Variants in MBNL1 observed in about 807,000 individuals in gnomAD.
MBNL1 encodes muscleblind like splicing regulator 1, also known as muscleblind-like protein 1.
Under a neutral mutation model 42.2 loss-of-function variants are expected in MBNL1, and 8 were observed. The observed-to-expected ratio is 0.19, with a 90% confidence interval of 0.11 to 0.34. The LOEUF is 0.34. Ranked by LOEUF, MBNL1 falls within the 10% of genes least tolerant of loss-of-function variation. MBNL1 has a pLI of 1.00. For missense variants in MBNL1, 309 were observed against 495.3 expected (o/e 0.62, Z 3.57); for synonymous variants, 169 against 173.9 (o/e 0.97, Z 0.22).
chr3:152,426,691 T>C (rs2098937024), intron 3 of MBNL1, among the ~76,000 whole-genome samples: 2 of 152,228 alleles, frequency 1.3e-5, no homozygotes, highest in Non-Finnish European at 2.9e-5. Context: ...GATCCCAAAG[T>C]TAACCTTGGC....
chr3:152,280,337 A>G (rs1209356176), intron 1 of MBNL1, among the ~76,000 whole-genome samples: 3 of 152,192 alleles, frequency 2.0e-5, no homozygotes, highest in African/African-American at 7.2e-5. Flanking sequence ...GATACTTTGT[A>G]TATATTGGAG....
At chr3:152,331,876 G>C (rs1169597806) in intron 2 of MBNL1, among the ~76,000 whole-genome samples, 1 of 151,976 alleles carries the variant, frequency 6.6e-6, no homozygotes, top group Non-Finnish European at 1.5e-5. Flanking sequence ...ATTTTTAGTA[G>C]AGACAGGGTT....
At chr3:152,365,659 C>G (rs1490903559) in intron 2 of MBNL1, among the ~76,000 whole-genome samples, 1 of 151,942 alleles carries the variant, frequency 6.6e-6, no homozygotes, top group Non-Finnish European at 1.5e-5. Context: ...TACCTGGTGT[C>G]TTAAGAACAG....
At chr3:152,425,359 C>T (rs1008765225) in intron 3 of MBNL1, among the ~76,000 whole-genome samples, 8 of 151,984 alleles carry the variant, frequency 5.3e-5, no homozygotes, top group Non-Finnish European at 8.8e-5. Flanking sequence ...TGTGGTGGCT[C>T]ACGCCTGTAA....
intron 2 of MBNL1, among the ~76,000 whole-genome samples, chr3:152,346,032 T>C (rs768693423): frequency 6.6e-6 from 1 of 152,100 alleles, no homozygotes; most frequent in Non-Finnish European, 1.5e-5. Context: ...TTTTATGAGG[T>C]AGGACTGATG....
chr3:152,313,576 A>T (rs544917040), intron 2 of MBNL1, among the ~76,000 whole-genome samples: 4 of 152,198 alleles, frequency 2.6e-5, no homozygotes, highest in Non-Finnish European at 5.9e-5. Flanking sequence ...TACTCCATAG[A>T]TACTAACGGT....
intron 2 of MBNL1, among the ~76,000 whole-genome samples, chr3:152,319,038 A>G (rs1486955850): frequency 6.6e-6 from 1 of 152,176 alleles, no homozygotes; most frequent in Non-Finnish European, 1.5e-5. Flanking sequence ...TTGTGGTTCT[A>G]CTTACATTTT....
At chr3:152,435,325 A>C (rs778273701) in intron 4 of MBNL1, among the ~76,000 whole-genome samples, 1 of 151,696 alleles carries the variant, frequency 6.6e-6, no homozygotes, top group Non-Finnish European at 1.5e-5. Flanking sequence ...GTTATTGTCA[A>C]CTTTGTTGGA....
chr3:152,262,658 G>A (rs756219226), intron 2 of MBNL1: 20 of 152,102 alleles, frequency 1.3e-4, no homozygotes, highest in African/African-American at 3.9e-4. Flanking sequence ...GTGTTACTAC[G>A]TAGAAATGTT....
chr3:152,405,682 C>A (rs1351208291), intron 2 of MBNL1, among the ~76,000 whole-genome samples: 1 of 151,952 alleles, frequency 6.6e-6, no homozygotes, highest in Non-Finnish European at 1.5e-5. Context: ...TGTTTTATCC[C>A]CAGGAAAGCT....
chr3:152,269,124 C>T (rs1043678314), intron 1 of MBNL1, 32 bp downstream of exon 1: 1 of 447,478 alleles, frequency 2.2e-6, no homozygotes, highest in East Asian at 7.0e-5. Flanking sequence ...TTCCCCGCGC[C>T]GCTTCATTGT....
At chr3:152,338,185 T>TC (rs925090701) in intron 2 of MBNL1, 26 of 985,316 alleles carry the variant, frequency 2.6e-5, no homozygotes, top group Non-Finnish European at 2.9e-5. Context: ...ATGGCCTATC[T>TC]CCATGTATTT....
chr3:152,416,441 A>C (rs941490220), intron 3 of MBNL1, among the ~76,000 whole-genome samples: 2 of 152,218 alleles, frequency 1.3e-5, no homozygotes, highest in African/African-American at 4.8e-5. Flanking sequence ...TGGTTAAAAA[A>C]ATTAGCTATA....
intron 2 of MBNL1, among the ~76,000 whole-genome samples, chr3:152,408,345 A>T (rs2098484046): frequency 6.6e-6 from 1 of 152,146 alleles, no homozygotes; most frequent in Non-Finnish European, 1.5e-5. Flanking sequence ...TCAAAGAAAA[A>T]AATGAATGTA....
intron 2 of MBNL1, among the ~76,000 whole-genome samples, chr3:152,307,954 G>T (rs1332707243): frequency 6.6e-6 from 1 of 152,156 alleles, no homozygotes; most frequent in Non-Finnish European, 1.5e-5. Flanking sequence ...CAAAGATGTT[G>T]TATCTGTTGT....
chr3:152,371,901 A>G (rs956218283), intron 2 of MBNL1, among the ~76,000 whole-genome samples: 7 of 152,062 alleles, frequency 4.6e-5, no homozygotes, highest in East Asian at 1.9e-4. Flanking sequence ...GTGTTTTCCA[A>G]CTTGGTTCCA....
intron 2 of MBNL1, among the ~76,000 whole-genome samples, chr3:152,244,825 T>C (rs1168236181): frequency 6.6e-6 from 1 of 152,160 alleles, no homozygotes; most frequent in Non-Finnish European, 1.5e-5. Flanking sequence ...AGATATACTT[T>C]TGTTCATTTT....
rs555095787 is a variant in MBNL1, at chr3:152,391,902, T to G, written c.175-23039T>G. Among the ~76,000 whole-genome samples the G allele has an allele frequency of 6.6e-5, 10 of 152,304 alleles. No individual in the cohort carries two copies. In the East Asian group the frequency reaches 1.7e-3, roughly 26 times the overall value. ...TAACAGGGAAGCACATTTTGAAAATTCTGATGAATGCATTCCAATTCTCTT... is the reference window on the plus strand; with the variant it reads ...TAACAGGGAAGCACATTTTGAAAATGCTGATGAATGCATTCCAATTCTCTT... On this transcript the variant is annotated intron_variant, in intron 2 of 9. Transcript: ENST00000324210.
At chr3:152,375,706 C>T (rs890464262) in intron 2 of MBNL1, among the ~76,000 whole-genome samples, 4 of 151,944 alleles carry the variant, frequency 2.6e-5, no homozygotes, top group Non-Finnish European at 4.4e-5. Flanking sequence ...GTAGTCCTAG[C>T]TACTTGGGAG....
Sources: allele counts gnomAD v4.1 joint callset (sites outside exome capture counted in the v4.1 genomes callset), GRCh38; gene constraint gnomAD v4.1.1; transcripts MANE v1.5; gene names NCBI Gene and HGNC (gene_info 2026-07-23, HGNC 2026-07-21).